The following MRPL45 variants were observed in gnomAD, a reference collection of about 807,000 sequenced individuals.
MRPL45 encodes large ribosomal subunit protein mL45.
A neutral mutation model predicts 38.1 loss-of-function variants in MRPL45; 20 were observed. The ratio of observed to expected loss-of-function variants is 0.53; its 90% confidence interval spans 0.37 to 0.76. The LOEUF is 0.76. Ranked by LOEUF, MRPL45 falls within the 30% of genes least tolerant of loss-of-function variation. The pLI is 0.00. For missense variants in MRPL45, 337 were observed against 395.6 expected, an observed-to-expected ratio of 0.85 and a Z score of 1.26; for synonymous variants, 105 against 128.8, an observed-to-expected ratio of 0.82 and a Z score of 1.25.
chr17:38,317,497 C>T (rs1049922923), intron 4 of MRPL45, among the ~76,000 whole-genome samples: 2 of 152,114 alleles, frequency 1.3e-5, no homozygotes, highest in Non-Finnish European at 2.9e-5. Flanking sequence ...GTTTGAGACT[C>T]ATCAGCTAGG....
At chr17:38,304,635 T>C (rs565672171) in intron 3 of MRPL45, among the ~76,000 whole-genome samples, 363 of 152,052 alleles carry the variant, frequency 2.4e-3, no homozygotes, top group Non-Finnish European at 4.2e-3. Context: ...CCTCTGCCTC[T>C]TGGGTTCAAA....
At position 38,306,709 on chromosome 17, in the gene MRPL45, TG is replaced by T. The variant is rs1417260336; in HGVS notation, c.461+79del. 3 of 1,584,732 alleles carry T rather than the reference TG, an allele frequency of 1.9e-6. No individual in the cohort carries two copies. In the South Asian group the frequency reaches 3.5e-5, roughly 18 times the overall value. ...TTTAGGCACAGTTTTTTTGTTTGTT[TG>T]TTTTTGTTTTGCACAAATTTGTTTT... On this transcript the variant is annotated intron_variant, in intron 4 of 7. Coordinates refer to ENST00000613675, the MANE Select transcript of MRPL45 (RefSeq NM_032351.6).
chr17:38,315,730 T>TTATGCCC, intron 4 of MRPL45, among the ~76,000 whole-genome samples: 1 of 151,856 alleles, frequency 6.6e-6, no homozygotes, highest in South Asian at 2.1e-4. Context: ...TCTGCAGCCA[T>TTATGCCC]TATTTCTTTT....
chr17:38,320,496 A>C, intron 5 of MRPL45, 122 bp from the exon 6 acceptor site: 1 of 966,326 alleles, frequency 1.0e-6, no homozygotes. Flanking sequence ...ACAAGAGAGC[A>C]TGTGGTGGGA....
At chr17:38,308,265 C>T (rs2037073982) in intron 4 of MRPL45, among the ~76,000 whole-genome samples, 1 of 151,802 alleles carries the variant, frequency 6.6e-6, no homozygotes, top group Admixed American at 6.6e-5. Flanking sequence ...CATGCCACCA[C>T]ACCCAGCTAA....
intron 3 of MRPL45, among the ~76,000 whole-genome samples, chr17:38,302,115 T>TAAAA (rs2037002623): frequency 6.9e-5 from 1 of 14,486 alleles, no homozygotes; most frequent in Admixed American, 1.4e-3. Flanking sequence ...AGACTCCGTC[T>TAAAA]CAAAAAAAAA....
At chr17:38,319,258 A>G (rs1032596540) in intron 5 of MRPL45, among the ~76,000 whole-genome samples, 1 of 151,816 alleles carries the variant, frequency 6.6e-6, no homozygotes, top group Non-Finnish European at 1.5e-5. Context: ...GATGGTCTCG[A>G]TCTTCTGACC....
In MRPL45 at chr17:38,320,651, C is replaced by T. The variant is rs765996581; in HGVS notation, c.544C>T (p.Arg182Cys). ...TTGGGACATCAAATATAAGACCGTC[C>T]GCTGGAGCTTTGTGGAATCTTTAGA... ...MTWDIKYKTV[R>C]WSFVESLEPS... The change falls in exon 6 of 8, where the codon CGC becomes TGC. Residue 182 changes from arginine (R) to cysteine (C), a missense_variant. By Grantham distance (180) the Arg-to-Cys change is radical. This residue lies in a region of MRPL45 where 251 missense variants were observed against 269.1 expected (regional missense o/e 0.93). Transcript: ENST00000613675. The T allele has an allele frequency of 1.7e-5, 27 of 1,614,006 alleles. No homozygotes were observed. The highest frequency in any genetic ancestry group is 8.3e-5 in the Admixed American group (5 of 59,986).
chr17:38,312,406 G>A (rs1274012849), intron 4 of MRPL45, among the ~76,000 whole-genome samples: 1 of 152,022 alleles, frequency 6.6e-6, no homozygotes, highest in Non-Finnish European at 1.5e-5. Flanking sequence ...ACCACATTTT[G>A]TTTATCCATT....
chr17:38,298,981 CT>C (rs1362292539), intron 2 of MRPL45, among the ~76,000 whole-genome samples: 2 of 151,074 alleles, frequency 1.3e-5, no homozygotes, highest in African/African-American at 4.9e-5. Flanking sequence ...CTCTGCCCCC[CT>C]GGGTTCAAGC....
chr17:38,298,999 C>T (rs990897639), intron 2 of MRPL45, among the ~76,000 whole-genome samples: 10 of 150,746 alleles, frequency 6.6e-5, no homozygotes, highest in African/African-American at 2.4e-4. Context: ...AAGCGATTCT[C>T]CTACCTCAGC....
chr17:38,313,297 TA>T (rs879236168), intron 4 of MRPL45, among the ~76,000 whole-genome samples: 689 of 18,512 alleles, frequency 0.037, 45 homozygotes, highest in African/African-American at 0.08. Flanking sequence ...TCCTTTCTAT[TA>T]AAAAAAAAAA....
chr17:38,316,859 G>A (rs568476728), intron 4 of MRPL45, among the ~76,000 whole-genome samples: 16 of 151,180 alleles, frequency 1.1e-4, no homozygotes, highest in African/African-American at 1.9e-4. Context: ...GTGCAGTGGC[G>A]CGATCTTGGC....
chr17:38,300,102 T>C lies in MRPL45; in HGVS notation c.362+634T>C, dbSNP rs1286071677. ...GTTTCACTCTTAACTCACTGCAACC[T>C]CTGCCTCCCGGGTTCAAGAGATTCT... is the stretch of plus-strand genomic sequence containing the variant. On this transcript the variant is annotated intron_variant, in intron 3 of 7. Coordinates refer to ENST00000613675, the MANE Select transcript of MRPL45 (RefSeq NM_032351.6). 2.0e-5 allele frequency among the ~76,000 whole-genome samples: 3 copies of C among 151,802 alleles called. No homozygotes were observed. In the East Asian group the frequency reaches 5.8e-4, roughly 29 times the overall value.
At position 38,318,692 on chromosome 17, in the gene MRPL45, A is replaced by C. The variant is rs987776697; in HGVS notation, c.467A>C (p.Asp156Ala). 11 of 1,607,926 alleles carry C rather than the reference A, an allele frequency of 6.8e-6. No homozygotes were observed. The highest frequency in any genetic ancestry group is 1.7e-5 in the Admixed American group (1 of 59,912). The stretch of plus-strand genomic sequence containing the variant: ...TTTATTGCTTTCTTTTCTAGCTCAG[A>C]CCATGACCGGCTTCATACCTTGGTA... ...IEAHLCLNNS[D>A]HDRLHTLVTE... The change falls in exon 5 of 8, where the codon GAC becomes GCC. Residue 156 changes from aspartate to alanine, a missense_variant. By Grantham distance (126) the Asp-to-Ala change is moderately radical (BLOSUM62 -2). Transcript: ENST00000613675.
In MRPL45 at chr17:38,318,752, C is replaced by CTTAG; in HGVS notation, c.510+18_510+21dup. The CTTAG allele has an allele frequency of 6.3e-7, 1 of 1,583,756 alleles. No homozygotes were observed. Among genetic ancestry groups the CTTAG allele is most frequent in the Non-Finnish European group, 8.7e-7 (1 of 1,153,508 alleles). ...TGTTTTCCAGTAAGTTCTCATCCTC[C>CTTAG]TTAGAACTGTGGGGTGACTGAGTGG... On this transcript the variant is annotated intron_variant, in intron 5 of 7. Transcript: ENST00000613675.
At chr17:38,303,967 C>T (rs1203142573) in intron 3 of MRPL45, among the ~76,000 whole-genome samples, 1 of 152,150 alleles carries the variant, frequency 6.6e-6, no homozygotes, top group Non-Finnish European at 1.5e-5. Flanking sequence ...CGTTGTATTC[C>T]CTGTTGCTTG....
Position 38,313,385 on chromosome 17 carries a change from C to CAT in MRPL45, c.462-5285_462-5284dup, listed in dbSNP as rs1189832077. ...ATATATACGTATATATATATATATACATATATATATATATATATGAGAGAT... is the reference window on the plus strand; with the variant it reads ...ATATATACGTATATATATATATATACATATATATATATATATATATGAGAGAT... On this transcript the variant is annotated intron_variant, in intron 4 of 7. Coordinates refer to ENST00000613675, the MANE Select transcript of MRPL45 (RefSeq NM_032351.6). 4.7e-3 allele frequency among the ~76,000 whole-genome samples: 93 copies of CAT among 19,634 alleles called. 1 individual carries two copies. The highest frequency in any genetic ancestry group is 0.02 in the African/African-American group (84 of 4,286). The allele number at this position is 19,634 out of a possible 152,430, so 12.9% of individuals were successfully genotyped here.
chr17:38,300,497 A>T (rs1222287377), intron 3 of MRPL45, among the ~76,000 whole-genome samples: 3 of 151,352 alleles, frequency 2.0e-5, no homozygotes, highest in East Asian at 1.9e-4. Flanking sequence ...CTTTTTTTTT[A>T]AATTTGTACT....
Sources: allele counts gnomAD v4.1 joint callset (sites outside exome capture counted in the v4.1 genomes callset), GRCh38; gene constraint gnomAD v4.1.1; regional missense constraint gnomAD v4.1.1; transcripts MANE v1.5; gene names NCBI Gene and HGNC (gene_info 2026-07-23, HGNC 2026-07-21).